Variants in CCDC149 observed in about 807,000 individuals in gnomAD.
CCDC149 encodes the protein coiled-coil domain-containing protein 149.
A neutral mutation model predicts 59.9 loss-of-function variants in CCDC149; 45 were observed. That is an observed-to-expected ratio of 0.75 (90% CI 0.59 to 0.96). The LOEUF is 0.96. CCDC149 is among the 40% of genes least tolerant of loss of function. The pLI, the probability that CCDC149 is intolerant of heterozygous loss-of-function variation, is 0.00. For missense variants in CCDC149, 584 were observed against 664.7 expected (o/e 0.88, Z 1.33); for synonymous variants, 245 against 260.6 (o/e 0.94, Z 0.58).
chr4:24,810,585 G>A (rs947729955), intron 12 of CCDC149, among the ~76,000 whole-genome samples: 3 of 152,060 alleles, frequency 2.0e-5, no homozygotes, highest in South Asian at 2.1e-4. Flanking sequence ...GGTTCCTTTC[G>A]CTTCCCATGA....
chr4:24,853,340 C>A, intron 3 of CCDC149, 161 bp from the exon 4 acceptor site: 1 of 624,408 alleles, frequency 1.6e-6, no homozygotes, highest in Non-Finnish European at 2.8e-6. Flanking sequence ...GTGAATCACA[C>A]CACTACAATG....
At chr4:24,857,050 A>G (rs2109195659) in intron 3 of CCDC149, among the ~76,000 whole-genome samples, 1 of 152,342 alleles carries the variant, frequency 6.6e-6, no homozygotes, top group Middle Eastern at 3.4e-3. Flanking sequence ...AGAGGTCCAA[A>G]GAAATGTCTG....
chr4:24,837,202 G>A lies in CCDC149; in HGVS notation c.662+26C>T, dbSNP rs188323020. ...TGTGCAGAGCCAGCCTTCCTCCCAC[G>A]CACAGGCCTGGGCCTGGCCACTTGC... On this transcript the variant is annotated intron_variant, in intron 6 of 12. Transcript: ENST00000635206. This position sits in a 1 kb window ranked among gnomAD's most constrained non-coding sequence, Gnocchi z 4.3. 135 of 1,609,428 alleles carry A rather than the reference G, an allele frequency of 8.4e-5. No homozygotes were observed. The highest frequency in any genetic ancestry group is 5.0e-4 in the Middle Eastern group (3 of 5,944).
At chr4:24,863,153 C>T (rs188043645) in intron 3 of CCDC149, among the ~76,000 whole-genome samples, 27 of 152,014 alleles carry the variant, frequency 1.8e-4, no homozygotes, top group South Asian at 6.2e-4. Context: ...ATTAGCCGGG[C>T]GTGGCGGTAT....
At chr4:24,952,146 A>G (rs1231661453) in intron 1 of CCDC149, among the ~76,000 whole-genome samples, 1 of 152,190 alleles carries the variant, frequency 6.6e-6, no homozygotes, top group African/African-American at 2.4e-5. Context: ...CTCTGGAAGC[A>G]TGGTGAAGCA....
At chr4:24,877,883 GGAT>G (rs1280017259) in intron 1 of CCDC149, among the ~76,000 whole-genome samples, 1 of 152,118 alleles carries the variant, frequency 6.6e-6, no homozygotes, top group East Asian at 1.9e-4. Flanking sequence ...ACTTTTTACT[GGAT>G]ATATTGCACC....
chr4:24,819,582 A>C (rs1437587942), intron 12 of CCDC149, among the ~76,000 whole-genome samples: 1 of 151,860 alleles, frequency 6.6e-6, no homozygotes, highest in Non-Finnish European at 1.5e-5. Context: ...CCACCTCCCA[A>C]AGTGCTAGGA....
At chr4:24,856,665 G>T (rs937004967) in intron 3 of CCDC149, among the ~76,000 whole-genome samples, 4 of 152,218 alleles carry the variant, frequency 2.6e-5, no homozygotes, top group African/African-American at 9.6e-5. Context: ...CTGACCACAA[G>T]GACTACAGCG....
chr4:24,931,289 A>T (rs1722578380), intron 1 of CCDC149, among the ~76,000 whole-genome samples: 2 of 144,080 alleles, frequency 1.4e-5, no homozygotes, highest in South Asian at 2.2e-4. Context: ...ATGTGTATTT[A>T]TATATGTTTA....
In CCDC149 at chr4:24,836,417, G is replaced by A. The variant is rs765351919; in HGVS notation, c.735+19C>T. 2.6e-6 allele frequency: 4 copies of A among 1,523,172 alleles called. No individual in the cohort carries two copies. The highest frequency in any genetic ancestry group is 2.3e-5 in the South Asian group (2 of 88,594). 94.4% of individuals were successfully genotyped at this position (1,523,172 alleles called of 1,614,324 possible). A position where few individuals can be genotyped will look rare whatever the true frequency, so the allele number is the denominator to read the frequency against. ...TGCACAATAGTCAATCACCATCACTGTCATCATGATTTTGCTACCTTGTAT... is the reference window on the plus strand; with the variant it reads ...TGCACAATAGTCAATCACCATCACTATCATCATGATTTTGCTACCTTGTAT... On this transcript the variant is annotated intron_variant, in intron 7 of 12. Coordinates refer to ENST00000635206, the MANE Select transcript of CCDC149 (RefSeq NM_001330643.2).
chr4:24,820,016 G>T, intron 11 of CCDC149, 41 bp from the exon 12 acceptor site: 1 of 1,438,760 alleles, frequency 7.0e-7, no homozygotes, highest in Non-Finnish European at 9.5e-7. Context: ...TATATCATCA[G>T]TGGAGTTGGG....
intron 1 of CCDC149, among the ~76,000 whole-genome samples, chr4:24,963,723 T>C (rs1312220890): frequency 1.3e-5 from 2 of 152,174 alleles, no homozygotes; most frequent in Admixed American, 6.5e-5. Context: ...TAAAAGACAA[T>C]AGATACCAAT....
chr4:24,961,015 A>G (rs1723620143), intron 1 of CCDC149, among the ~76,000 whole-genome samples: 1 of 152,264 alleles, frequency 6.6e-6, no homozygotes, highest in Admixed American at 6.5e-5. Context: ...TAGGCAAAGT[A>G]GAATAGTTGG....
chr4:24,938,260 G>A (rs531365247), intron 1 of CCDC149, among the ~76,000 whole-genome samples: 8 of 152,290 alleles, frequency 5.3e-5, no homozygotes, highest in African/African-American at 1.9e-4. Flanking sequence ...AATCCTAAAA[G>A]AGGAATATTA....
intron 4 of CCDC149, among the ~76,000 whole-genome samples, chr4:24,847,753 A>G (rs973492304): frequency 1.2e-4 from 19 of 152,214 alleles, no homozygotes; most frequent in Non-Finnish European, 1.0e-4. Flanking sequence ...GGGTCTGACA[A>G]TCTTAAAAGG....
intron 1 of CCDC149, among the ~76,000 whole-genome samples, chr4:24,949,682 A>G (rs1367224803): frequency 6.6e-6 from 1 of 152,140 alleles, no homozygotes. Context: ...GGGCCCTGAG[A>G]TATTTCTCAT....
chr4:24,974,761 C>A (rs963297498), intron 1 of CCDC149, among the ~76,000 whole-genome samples: 4 of 152,170 alleles, frequency 2.6e-5, no homozygotes, highest in Non-Finnish European at 5.9e-5. Context: ...GACTCAGGGT[C>A]TCCCTGATTC....
intron 12 of CCDC149, among the ~76,000 whole-genome samples, chr4:24,812,759 A>G (rs1007914260): frequency 6.6e-6 from 1 of 152,212 alleles, no homozygotes; most frequent in African/African-American, 2.4e-5. Context: ...ACGAAAGAAG[A>G]GCAAAGGAAC....
At chr4:24,931,455 G>T (rs542094540) in intron 1 of CCDC149, among the ~76,000 whole-genome samples, 3 of 151,438 alleles carry the variant, frequency 2.0e-5, no homozygotes, top group Non-Finnish European at 4.4e-5. Flanking sequence ...GTGTTTGGGT[G>T]GGGGGATGTG....
Sources: allele counts gnomAD v4.1 joint callset (sites outside exome capture counted in the v4.1 genomes callset), GRCh38; gene constraint gnomAD v4.1.1; non-coding constraint Gnocchi (gnomAD v3.1); transcripts MANE v1.5; gene names NCBI Gene and HGNC (gene_info 2026-07-23, HGNC 2026-07-21).